The following PCDH9 variants were observed in gnomAD, a reference collection of about 807,000 sequenced individuals.
PCDH9 encodes the protein protocadherin 9, also known as protocadherin-9.
In PCDH9, 24 loss-of-function variants were observed where a neutral mutation model predicts 70.6. The observed-to-expected ratio is 0.34, with a 90% confidence interval of 0.25 to 0.48. The LOEUF (loss-of-function observed/expected upper bound fraction) is 0.48, where lower values mean the gene tolerates loss of function less well. Ranked by LOEUF, PCDH9 falls within the 20% of genes least tolerant of loss-of-function variation. The pLI is 0.99. For synonymous variants in PCDH9, 562 were observed against 558.5 expected, an observed-to-expected ratio of 1.01 and a Z score of -0.09; for missense variants, 1,281 against 1,503.6, an observed-to-expected ratio of 0.85 and a Z score of 2.45.
At chr13:66,620,856 A>G (rs2077413381) in intron 4 of PCDH9, among the ~76,000 whole-genome samples, 1 of 152,168 alleles carries the variant, frequency 6.6e-6, no homozygotes, top group South Asian at 2.1e-4. Context: ...GAATTCTTGC[A>G]CTAAACTGGA....
At chr13:66,895,424 A>T (rs796572293) in intron 3 of PCDH9, among the ~76,000 whole-genome samples, 9 of 152,320 alleles carry the variant, frequency 5.9e-5, no homozygotes, top group African/African-American at 2.2e-4. Flanking sequence ...TCTCACATAT[A>T]TGTGGATGAC....
chr13:66,963,079 A>C (rs891322188), intron 2 of PCDH9, among the ~76,000 whole-genome samples: 1 of 152,084 alleles, frequency 6.6e-6, no homozygotes, highest in Non-Finnish European at 1.5e-5. Flanking sequence ...CTCAGTTCAC[A>C]ACAGGGTTTG....
At chr13:66,475,452 G>A (rs928541429) in intron 4 of PCDH9, among the ~76,000 whole-genome samples, 50 of 151,942 alleles carry the variant, frequency 3.3e-4, no homozygotes, top group African/African-American at 1.2e-3. Context: ...TATGTAAGGT[G>A]CCATATTCTC....
At chr13:66,508,057 T>C (rs539417096) in intron 4 of PCDH9, among the ~76,000 whole-genome samples, 93 of 152,290 alleles carry the variant, frequency 6.1e-4, no homozygotes, top group Non-Finnish European at 1.1e-3. Flanking sequence ...CTGCAAATTG[T>C]TTGACCTCTC....
rs1593660342 is a variant in PCDH9, at chr13:67,228,191, C to G, written c.250G>C (p.Glu84Gln). Residue 84 changes from glutamate (E) to glutamine (Q), a missense_variant, in exon 2 of 5, where the codon GAA (glutamate) becomes CAA (glutamine). Physicochemically the swap from Glu to Gln is conservative, Grantham distance 29. Transcript: ENST00000377865. ...ATTCTGTTGGAGGTTGTGAAAATTT[C>G]CCCAGTGCTGCTGGAAACTTTCACC... ...PLVKVSSSTG[E>Q]IFTTSNRIDR... 3.7e-6 allele frequency: 6 copies of G among 1,613,216 alleles called. No individual in the cohort carries two copies. Among genetic ancestry groups the G allele is most frequent in the Non-Finnish European group, 4.2e-6 (5 of 1,179,686 alleles).
At chr13:66,830,838 G>C (rs1048264981) in intron 3 of PCDH9, among the ~76,000 whole-genome samples, 1 of 152,064 alleles carries the variant, frequency 6.6e-6, no homozygotes, top group Admixed American at 6.5e-5. Flanking sequence ...ATGAATTAAA[G>C]GTATTAGTAT....
chr13:67,154,590 A>AT (rs1162593349), intron 2 of PCDH9, among the ~76,000 whole-genome samples: 3 of 90,598 alleles, frequency 3.3e-5, no homozygotes, highest in African/African-American at 1.4e-4. Context: ...AAAAAAAAAA[A>AT]AAAAAATATA....
At chr13:67,103,643 T>C (rs1233713991) in intron 2 of PCDH9, among the ~76,000 whole-genome samples, 1 of 152,188 alleles carries the variant, frequency 6.6e-6, no homozygotes. Flanking sequence ...TATAAACCTA[T>C]ACTACTTTTA....
chr13:66,992,059 T>C (rs2084013984), intron 2 of PCDH9, among the ~76,000 whole-genome samples: 1 of 152,142 alleles, frequency 6.6e-6, no homozygotes, highest in Non-Finnish European at 1.5e-5. Flanking sequence ...GAAAGGCAGT[T>C]TCATATACTC....
At chr13:66,461,515 T>TA (rs200681049) in intron 4 of PCDH9, among the ~76,000 whole-genome samples, 2,001 of 144,070 alleles carry the variant, frequency 0.014, 45 homozygotes, top group African/African-American at 0.048. Flanking sequence ...TCTAATCCAT[T>TA]AAAAAAAAAC....
At chr13:66,800,391 T>C (rs939489893) in intron 3 of PCDH9, among the ~76,000 whole-genome samples, 3 of 152,146 alleles carry the variant, frequency 2.0e-5, no homozygotes, top group African/African-American at 4.8e-5. Flanking sequence ...CTACCCCCAC[T>C]AGCAATCATT....
intron 4 of PCDH9, among the ~76,000 whole-genome samples, chr13:66,345,924 G>C (rs553530609): frequency 2.0e-5 from 3 of 152,164 alleles, no homozygotes; most frequent in Admixed American, 1.3e-4. Context: ...AGGCATTGAA[G>C]TGTACACCAC....
At chr13:66,497,075 A>G (rs1190506111) in intron 4 of PCDH9, among the ~76,000 whole-genome samples, 5 of 150,824 alleles carry the variant, frequency 3.3e-5, no homozygotes, top group Admixed American at 3.3e-4. Flanking sequence ...TTACTTTTTC[A>G]GTTTTTTTTT....
At chr13:66,319,955 C>G (rs1459104135) in intron 4 of PCDH9, among the ~76,000 whole-genome samples, 2 of 152,006 alleles carry the variant, frequency 1.3e-5, no homozygotes, top group Non-Finnish European at 2.9e-5. Flanking sequence ...GCACAATCAA[C>G]TTAGAAACAA....
At chr13:67,145,483 T>G (rs757242718) in intron 2 of PCDH9, among the ~76,000 whole-genome samples, 5 of 152,148 alleles carry the variant, frequency 3.3e-5, no homozygotes, top group Non-Finnish European at 4.4e-5. Context: ...TATGATTTCT[T>G]AATAACAAGA....
At chr13:66,775,932 C>T (rs2079885026) in intron 3 of PCDH9, among the ~76,000 whole-genome samples, 1 of 152,068 alleles carries the variant, frequency 6.6e-6, no homozygotes, top group Admixed American at 6.6e-5. Context: ...CCCTATGTTA[C>T]AAGGGTGCCT....
At chr13:66,701,785 T>A (rs1450580441) in intron 3 of PCDH9, among the ~76,000 whole-genome samples, 1 of 152,178 alleles carries the variant, frequency 6.6e-6, no homozygotes, top group Non-Finnish European at 1.5e-5. Flanking sequence ...TGATTAATCA[T>A]GTGGTTAAAA....
intron 2 of PCDH9, among the ~76,000 whole-genome samples, chr13:67,178,720 T>C (rs1330928870): frequency 6.6e-6 from 1 of 152,114 alleles, no homozygotes; most frequent in East Asian, 1.9e-4. Context: ...TAAGTTCTAC[T>C]GGATTTAGAA....
chr13:66,830,168 A>T (rs2080900668), intron 3 of PCDH9, among the ~76,000 whole-genome samples: 1 of 152,172 alleles, frequency 6.6e-6, no homozygotes, highest in Non-Finnish European at 1.5e-5. Context: ...TTAGTAATAG[A>T]AGTAGGAATG....
Sources: allele counts gnomAD v4.1 joint callset (sites outside exome capture counted in the v4.1 genomes callset), GRCh38; gene constraint gnomAD v4.1.1; transcripts MANE v1.5; gene names NCBI Gene and HGNC (gene_info 2026-07-23, HGNC 2026-07-21).